DIP2C: variants seen among roughly 807,000 people sequenced by gnomAD.
DIP2C encodes the protein DIP2 acetate--CoA ligase C (putative).
A neutral mutation model predicts 192.4 loss-of-function variants in DIP2C; 33 were observed. That is an observed-to-expected ratio of 0.17 (90% CI 0.13 to 0.23). The LOEUF is 0.23. Among genes scored for constraint, DIP2C ranks in the 10% least tolerant of loss-of-function variants. DIP2C has a pLI of 1.00. For missense variants in DIP2C, 1,537 were observed against 2,110.1 expected, an observed-to-expected ratio of 0.73 and a Z score of 5.32; for synonymous variants, 979 against 864.1, an observed-to-expected ratio of 1.13 and a Z score of -2.33.
intron 3 of DIP2C, among the ~76,000 whole-genome samples, chr10:441,967 A>G (rs1427931134): frequency 1.5e-5 from 1 of 67,096 alleles, no homozygotes; most frequent in Non-Finnish European, 5.2e-5. Context: ...ATTAAAGCAG[A>G]GACAGACGCT....
rs544729340 is a variant in DIP2C, at chr10:339,780, A to G, written c.3584+1419T>C. ...TTATTCAGTTTTATCTGCTTTCTCA[A>G]AAAGCTGAATTGTCCTAATTAGAAT... On this transcript the variant is annotated intron_variant, in intron 29 of 36. Coordinates refer to ENST00000280886, the MANE Select transcript of DIP2C (RefSeq NM_014974.3). Among the ~76,000 whole-genome samples, 38 of 152,342 alleles carry G rather than the reference A, an allele frequency of 2.5e-4. No homozygotes were observed. The South Asian group carries it at 7.7e-3, about 31-fold the overall frequency.
chr10:637,511 G>A (rs569926859), intron 1 of DIP2C, among the ~76,000 whole-genome samples: 5 of 152,328 alleles, frequency 3.3e-5, no homozygotes, highest in Admixed American at 2.0e-4. Context: ...CACTGGGTCC[G>A]CACACAGTGG....
chr10:316,555 C>T (rs1355551015), intron 31 of DIP2C, among the ~76,000 whole-genome samples: 1 of 152,174 alleles, frequency 6.6e-6, no homozygotes, highest in East Asian at 1.9e-4. Flanking sequence ...TGTGCTATGC[C>T]CTCATCCCAC....
intron 1 of DIP2C, among the ~76,000 whole-genome samples, chr10:609,447 C>A (rs936435197): frequency 6.6e-6 from 1 of 152,214 alleles, no homozygotes; most frequent in East Asian, 1.9e-4. Context: ...CACATCCTAT[C>A]AGGGCTGACT....
chr10:329,626 G>C (rs1339272460), intron 29 of DIP2C, 25 bp from the exon 30 acceptor site: 2 of 1,609,514 alleles, frequency 1.2e-6, no homozygotes, highest in Admixed American at 1.7e-5. Context: ...GAGGCTGTCA[G>C]GGCGGGAGCT....
intron 1 of DIP2C, among the ~76,000 whole-genome samples, chr10:593,906 G>A (rs1037343633): frequency 6.6e-6 from 1 of 151,974 alleles, no homozygotes; most frequent in East Asian, 1.9e-4. Flanking sequence ...CTGGTTAGCT[G>A]CCGAGTTAAA....
At chr10:335,959 C>T (rs866431666) in intron 29 of DIP2C, among the ~76,000 whole-genome samples, 2 of 152,122 alleles carry the variant, frequency 1.3e-5, no homozygotes, top group Non-Finnish European at 1.5e-5. Flanking sequence ...AGTGCAGTGG[C>T]GTGATCTCAG....
chr10:337,526 C>A (rs575947927), intron 29 of DIP2C, among the ~76,000 whole-genome samples: 9 of 107,042 alleles, frequency 8.4e-5, no homozygotes, highest in African/African-American at 3.3e-4. Context: ...TGTGTGCGTG[C>A]GTGTGTGTTG....
At chr10:318,101 G>C (rs922444921) in intron 31 of DIP2C, among the ~76,000 whole-genome samples, 1 of 152,164 alleles carries the variant, frequency 6.6e-6, no homozygotes, top group Non-Finnish European at 1.5e-5. Context: ...GGGCTATGGA[G>C]ATGCGTAAGG....
At chr10:341,163 T>A in intron 29 of DIP2C, 36 bp downstream of exon 29, 1 of 1,608,380 alleles carries the variant, frequency 6.2e-7, no homozygotes, top group Non-Finnish European at 8.5e-7. Flanking sequence ...AGGTGCATGA[T>A]TTTTTTTAAT....
At chr10:346,370 T>C (rs71492976) in intron 26 of DIP2C, among the ~76,000 whole-genome samples, 26,095 of 27,864 alleles carry the variant, frequency 0.94, 12,488 homozygotes, top group Non-Finnish European at 0.96. Context: ...AACCCAGACA[T>C]ATCGCGTATA....
intron 4 of DIP2C, among the ~76,000 whole-genome samples, chr10:436,732 G>A (rs1285087584): frequency 8.7e-6 from 1 of 114,682 alleles, no homozygotes; most frequent in African/African-American, 5.4e-5. Context: ...AGATCTCTCT[G>A]AGCTCTGCTT....
intron 1 of DIP2C, among the ~76,000 whole-genome samples, chr10:688,245 C>T (rs1260516405): frequency 6.6e-6 from 1 of 152,116 alleles, no homozygotes; most frequent in Non-Finnish European, 1.5e-5. Context: ...AAGACTCTGC[C>T]CCCCGCCAAC....
At chr10:523,582 T>A (rs1020246400) in intron 1 of DIP2C, among the ~76,000 whole-genome samples, 2 of 149,818 alleles carry the variant, frequency 1.3e-5, no homozygotes, top group African/African-American at 4.9e-5. Flanking sequence ...CACGCTCGTT[T>A]CCACATGACA....
In DIP2C at chr10:636,629, C is replaced by T. The variant is rs1041315392; in HGVS notation, c.85+52865G>A. 1.3e-5 allele frequency among the ~76,000 whole-genome samples: 2 copies of T among 152,198 alleles called. No homozygotes were observed. Among genetic ancestry groups the T allele is most frequent in the African/African-American group, 2.4e-5 (1 of 41,448 alleles). On this transcript the variant is annotated intron_variant, in intron 1 of 36. Coordinates refer to ENST00000280886, the MANE Select transcript of DIP2C (RefSeq NM_014974.3). The surrounding 1 kb of genome is among the most constrained non-coding windows in gnomAD (Gnocchi z 4.6). ...TCAATAAGCACAATTCTCCCGAAAA[C>T]GTCTTTTCTATCTGGGCCACACACT...
At chr10:523,288 G>A (rs1392957387) in intron 1 of DIP2C, among the ~76,000 whole-genome samples, 2 of 151,426 alleles carry the variant, frequency 1.3e-5, no homozygotes, top group Non-Finnish European at 2.9e-5. Flanking sequence ...GGACCCTGGA[G>A]TGAGGATGCA....
At chr10:305,122 AAC>A (rs1250658440) in intron 32 of DIP2C, among the ~76,000 whole-genome samples, 16 of 152,286 alleles carry the variant, frequency 1.1e-4, no homozygotes, top group East Asian at 5.8e-4. Flanking sequence ...GTACACTTGT[AAC>A]ACACAACAGC....
chr10:362,106 T>G (rs1355758832), intron 22 of DIP2C, among the ~76,000 whole-genome samples: 1 of 151,250 alleles, frequency 6.6e-6, no homozygotes, highest in East Asian at 1.9e-4. Context: ...TAAGGAAATC[T>G]GCAACATAAG....
chr10:326,863 C>T (rs991455639), intron 31 of DIP2C, 143 bp downstream of exon 31: 9 of 980,780 alleles, frequency 9.2e-6, no homozygotes, highest in Admixed American at 3.0e-5. Context: ...CAGAGATCTG[C>T]ACCAACCGCA....
Sources: allele counts gnomAD v4.1 joint callset (sites outside exome capture counted in the v4.1 genomes callset), GRCh38; gene constraint gnomAD v4.1.1; non-coding constraint Gnocchi (gnomAD v3.1); transcripts MANE v1.5; gene names NCBI Gene and HGNC (gene_info 2026-07-23, HGNC 2026-07-21).